Variants in DEUP1 observed in about 807,000 individuals in gnomAD.
DEUP1 encodes the protein coiled-coil domain containing 67.
Under a neutral mutation model 87.4 loss-of-function variants are expected in DEUP1, and 82 were observed. That is an observed-to-expected ratio of 0.94 (90% CI 0.78 to 1.13). The LOEUF is 1.13. DEUP1 is among the 50% of genes most tolerant of loss of function. DEUP1 has a pLI of 0.00. For synonymous variants in DEUP1, 214 were observed against 222.7 expected (o/e 0.96, Z 0.35); for missense variants, 663 against 681.5 (o/e 0.97, Z 0.30).
intron 11 of DEUP1, among the ~76,000 whole-genome samples, chr11:93,401,951 A>C (rs940398635): frequency 1.1e-4 from 17 of 151,940 alleles, no homozygotes; most frequent in Admixed American, 6.6e-5. Flanking sequence ...CTGAGCAAAG[A>C]TTTTTTTGTG....
In DEUP1 at chr11:93,437,743, TC is replaced by T. The variant is rs5793640; in HGVS notation, c.*33del. On this transcript the variant is annotated 3_prime_UTR_variant, in exon 14 of 14. Transcript: ENST00000298050. The stretch of plus-strand genomic sequence containing the variant: ...GAGCTTTTAAACTTTTTTATTTGCT[TC>T]CCCCCCCCACCCCCGCCAAGAAAAA... 4.6e-4 allele frequency: 425 copies of T among 927,826 alleles called. 2 individuals are homozygous for T. The highest frequency in any genetic ancestry group is 7.5e-4 in the Admixed American group (34 of 45,400). The allele number at this position is 927,826 out of a possible 1,614,324, so 57.5% of individuals were successfully genotyped here. A position where few individuals can be genotyped will look rare whatever the true frequency, so the allele number is the denominator to read the frequency against.
chr11:93,334,746 A>G (rs1179940922), intron 2 of DEUP1, among the ~76,000 whole-genome samples: 3 of 152,174 alleles, frequency 2.0e-5, no homozygotes, highest in African/African-American at 7.2e-5. Context: ...ATTTCTTCCA[A>G]TTATAGGTGT....
At position 93,333,716 on chromosome 11, in the gene DEUP1, AC is replaced by A. The variant is rs1943603518; in HGVS notation, c.29+1430del. 3.3e-5 allele frequency among the ~76,000 whole-genome samples: 5 copies of A among 152,302 alleles called. No individual in the cohort carries two copies. The South Asian group carries it at 1.0e-3, about 32-fold the overall frequency. On this transcript the variant is annotated intron_variant, in intron 2 of 13. Coordinates refer to ENST00000298050, the MANE Select transcript of DEUP1 (RefSeq NM_181645.4). ...AGCAGGAGCTCATCCTAGAATATACACCAGGTTAGTAGAGAAAGTAGGATTT... is the reference window on the plus strand; with the variant it reads ...AGCAGGAGCTCATCCTAGAATATACACAGGTTAGTAGAGAAAGTAGGATTT...
Position 93,382,140 on chromosome 11 carries a change from A to C in DEUP1, c.790-3258A>C, listed in dbSNP as rs190828061. 2.0e-5 allele frequency among the ~76,000 whole-genome samples: 3 copies of C among 152,312 alleles called. No homozygotes were observed. In the East Asian group the frequency reaches 5.8e-4, roughly 29 times the overall value. ...ATCATTTTCCTCAATATTTGCACCC[A>C]CATTCACAAATAATTGATTTGACTT... On this transcript the variant is annotated intron_variant, in intron 7 of 13. Coordinates refer to ENST00000298050, the MANE Select transcript of DEUP1 (RefSeq NM_181645.4).
chr11:93,414,882 C>T (rs1037151995), intron 12 of DEUP1, 118 bp from the exon 13 acceptor site: 10 of 478,336 alleles, frequency 2.1e-5, no homozygotes, highest in African/African-American at 1.6e-4. Context: ...AGGTAACAAG[C>T]CCAAACATTT....
At chr11:93,419,628 A>C (rs988679280) in intron 13 of DEUP1, among the ~76,000 whole-genome samples, 62 of 152,238 alleles carry the variant, frequency 4.1e-4, no homozygotes, top group African/African-American at 1.5e-3. Flanking sequence ...CAGAGATGAA[A>C]TCGATCTCAA....
intron 2 of DEUP1, among the ~76,000 whole-genome samples, chr11:93,349,797 C>G (rs1054016887): frequency 1.3e-5 from 2 of 151,928 alleles, no homozygotes; most frequent in Admixed American, 6.6e-5. Context: ...ATAAAGACCA[C>G]CCAAATGAAA....
chr11:93,394,875 A>G (rs1374979356), intron 10 of DEUP1, among the ~76,000 whole-genome samples: 1 of 152,194 alleles, frequency 6.6e-6, no homozygotes, highest in Non-Finnish European at 1.5e-5. Flanking sequence ...AGACAATTTC[A>G]TTAAATCTCA....
At chr11:93,351,279 T>C (rs549699997) in intron 2 of DEUP1, among the ~76,000 whole-genome samples, 2 of 152,178 alleles carry the variant, frequency 1.3e-5, no homozygotes, top group East Asian at 3.9e-4. Flanking sequence ...TTACATTATG[T>C]CCAGACTCTG....
intron 13 of DEUP1, among the ~76,000 whole-genome samples, chr11:93,420,291 T>C (rs1235648739): frequency 3.9e-5 from 6 of 151,974 alleles, no homozygotes; most frequent in South Asian, 2.1e-4. Flanking sequence ...ATCCAGCATA[T>C]AAACAGAACC....
chr11:93,370,333 T>C, intron 6 of DEUP1, 147 bp downstream of exon 6: 2 of 561,480 alleles, frequency 3.6e-6, no homozygotes, highest in African/African-American at 1.9e-5. Context: ...CACAAGTGCA[T>C]AGAATATCTG....
At chr11:93,360,263 T>A (rs917233007) in intron 4 of DEUP1, among the ~76,000 whole-genome samples, 6 of 152,170 alleles carry the variant, frequency 3.9e-5, no homozygotes, top group Non-Finnish European at 8.8e-5. Flanking sequence ...GACTTGGACA[T>A]CCACTATCCC....
intron 7 of DEUP1, among the ~76,000 whole-genome samples, chr11:93,373,425 T>C (rs1461944822): frequency 6.6e-6 from 1 of 151,984 alleles, no homozygotes; most frequent in Non-Finnish European, 1.5e-5. Context: ...CTCCTACTTA[T>C]GAGTGAGAAC....
intron 2 of DEUP1, among the ~76,000 whole-genome samples, chr11:93,348,028 C>G (rs1024035547): frequency 6.6e-6 from 1 of 152,198 alleles, no homozygotes; most frequent in Non-Finnish European, 1.5e-5. Flanking sequence ...GCATGAGCCA[C>G]CGCACCCGGC....
intron 5 of DEUP1, among the ~76,000 whole-genome samples, chr11:93,366,530 T>G (rs1177561876): frequency 6.6e-6 from 1 of 152,162 alleles, no homozygotes; most frequent in Non-Finnish European, 1.5e-5. Context: ...AACTCCAGTC[T>G]CTATAAAAAC....
chr11:93,390,360 A>AT (rs1283131084), intron 9 of DEUP1, among the ~76,000 whole-genome samples: 1 of 152,186 alleles, frequency 6.6e-6, no homozygotes, highest in Non-Finnish European at 1.5e-5. Flanking sequence ...AGGAAACACA[A>AT]TAATATGAAA....
chr11:93,406,586 T>G (rs1162115985), intron 11 of DEUP1, among the ~76,000 whole-genome samples: 1 of 151,658 alleles, frequency 6.6e-6, no homozygotes, highest in African/African-American at 2.4e-5. Context: ...AAGGAAGAAG[T>G]CACAAGGGAA....
intron 4 of DEUP1, among the ~76,000 whole-genome samples, chr11:93,358,253 C>T (rs2134223044): frequency 6.6e-6 from 1 of 152,296 alleles, no homozygotes; most frequent in South Asian, 2.1e-4. Context: ...GCTTTGTTTA[C>T]AGGCACCAAG....
chr11:93,345,482 A>G (rs1372583230), intron 2 of DEUP1, among the ~76,000 whole-genome samples: 2 of 152,216 alleles, frequency 1.3e-5, no homozygotes, highest in African/African-American at 4.8e-5. Flanking sequence ...CAAACAGTGT[A>G]TAAAATGTTT....
Sources: allele counts gnomAD v4.1 joint callset (sites outside exome capture counted in the v4.1 genomes callset), GRCh38; gene constraint gnomAD v4.1.1; transcripts MANE v1.5; gene names NCBI Gene and HGNC (gene_info 2026-07-23, HGNC 2026-07-21).